ISG20: variants seen among roughly 807,000 people sequenced by gnomAD.
ISG20 encodes interferon stimulated exonuclease gene 20, also known as interferon-stimulated gene 20 kDa protein.
Under a neutral mutation model 11.1 loss-of-function variants are expected in ISG20, and 8 were observed. The observed-to-expected ratio is 0.72, with a 90% CI of 0.42 to 1.30. The LOEUF (loss-of-function observed/expected upper bound fraction) is 1.30, where lower values mean the gene tolerates loss of function less well. ISG20 is among the 50% of genes most tolerant of loss of function. ISG20 has a pLI of 0.01. For synonymous variants in ISG20, 110 were observed against 101.7 expected, an observed-to-expected ratio of 1.08 and a Z score of -0.49; for missense variants, 243 against 250.2, an observed-to-expected ratio of 0.97 and a Z score of 0.19.
chr15:88,652,482 C>T (rs1357242470), intron 3 of ISG20, among the ~76,000 whole-genome samples, 172 bp downstream of exon 3: 2 of 4,878 alleles, frequency 4.1e-4, no homozygotes, highest in African/African-American at 3.2e-3. Context: ...CCCTCCTCCT[C>T]CCCCTCCTCC....
In ISG20 at chr15:88,652,163, C is replaced by G; in HGVS notation, c.282C>G (p.Asp94Glu). ...TGGTGGGTCATGACCTGAAGCACGA[C>G]TTCCAGGCACTGAAAGAGGACATGA... ...KLVVGHDLKH[D>E]FQALKEDMSG... is the part of the protein sequence containing the mutation. Residue 94 changes from aspartate (D) to glutamate (E), a missense_variant, in exon 3 of 4, where the codon GAC (aspartate) becomes GAG (glutamate). Asp to Glu is a conservative substitution (Grantham distance 45). Coordinates refer to ENST00000306072, the MANE Select transcript of ISG20 (RefSeq NM_002201.6). 1 of 1,614,126 alleles carries G rather than the reference C, an allele frequency of 6.2e-7. No individual in the cohort carries two copies. Among genetic ancestry groups the G allele is most frequent in the Non-Finnish European group, 8.5e-7 (1 of 1,180,008 alleles).
chr15:88,655,772 C>G lies in ISG20; in HGVS notation c.*241C>G. 1 of 382,112 alleles carries G rather than the reference C, an allele frequency of 2.6e-6. No individual in the cohort carries two copies. The allele number at this position is 382,112 out of a possible 1,614,324, so 23.7% of individuals were successfully genotyped here. A position where few individuals can be genotyped will look rare whatever the true frequency, so the allele number is the denominator to read the frequency against. On this transcript the variant is annotated 3_prime_UTR_variant, in exon 4 of 4. Coordinates refer to ENST00000306072, the MANE Select transcript of ISG20 (RefSeq NM_002201.6). ...GGGGAGGTGGGCAAGTATCAATTTC[C>G]TTAATATCTTGAATCCTGTGGGTCC... is the stretch of plus-strand genomic sequence containing the variant.
rs1297469041 is a variant in ISG20, at chr15:88,655,888, A to G, written c.*357A>G. Reference sequence around the variant, plus strand: ...TCCCAGCCCTATTCCTGGTGCATTTATGCCCAGAGAGGTGGCATTATTTCC... The same window carrying G: ...TCCCAGCCCTATTCCTGGTGCATTTGTGCCCAGAGAGGTGGCATTATTTCC... On this transcript the variant is annotated 3_prime_UTR_variant, in exon 4 of 4. Coordinates refer to ENST00000306072, the MANE Select transcript of ISG20 (RefSeq NM_002201.6). The G allele has an allele frequency of 1.1e-5, 2 of 175,952 alleles. No homozygotes were observed. The highest frequency in any genetic ancestry group is 4.8e-5 in the African/African-American group (2 of 41,734). The allele number at this position is 175,952 out of a possible 1,614,324, so 10.9% of individuals were successfully genotyped here. A position where few individuals can be genotyped will look rare whatever the true frequency, so the allele number is the denominator to read the frequency against.
Position 88,652,947 on chromosome 15 carries a change from C to T in ISG20, c.429+637C>T, listed in dbSNP as rs145980647. Among the ~76,000 whole-genome samples the T allele has an allele frequency of 1.4e-4, 22 of 151,958 alleles. 1 individual carries two copies. In the East Asian group the frequency reaches 4.3e-3, roughly 30 times the overall value. On this transcript the variant is annotated intron_variant, in intron 3 of 3. Coordinates refer to ENST00000306072, the MANE Select transcript of ISG20 (RefSeq NM_002201.6). ...TCCCATCAGCCACCAGCTGCTGCTGCTCCTGGGCACTGATTCCGCAGCACT... is the reference window on the plus strand; with the variant it reads ...TCCCATCAGCCACCAGCTGCTGCTGTTCCTGGGCACTGATTCCGCAGCACT...
Position 88,645,868 on chromosome 15 carries a change from T to C in ISG20, c.229-6242T>C, listed in dbSNP as rs547285276. 3.1e-4 allele frequency among the ~76,000 whole-genome samples: 47 copies of C among 152,350 alleles called. 1 individual carries two copies. The South Asian group carries it at 4.8e-3, about 15-fold the overall frequency. On this transcript the variant is annotated intron_variant, in intron 2 of 3. Coordinates refer to ENST00000306072, the MANE Select transcript of ISG20 (RefSeq NM_002201.6). ...TCCATTCATTCACACCATCTGTCTATTTCCACAGCTCTTACTATACACTTT... is the reference window on the plus strand; with the variant it reads ...TCCATTCATTCACACCATCTGTCTACTTCCACAGCTCTTACTATACACTTT...
At chr15:88,646,595 C>G (rs1233106657) in intron 2 of ISG20, among the ~76,000 whole-genome samples, 1 of 152,090 alleles carries the variant, frequency 6.6e-6, no homozygotes, top group Non-Finnish European at 1.5e-5. Context: ...CAGTTTGATC[C>G]CATTTATCAT....
intron 2 of ISG20, among the ~76,000 whole-genome samples, chr15:88,640,985 T>A (rs577415751): frequency 1.3e-5 from 2 of 151,708 alleles, no homozygotes; most frequent in South Asian, 4.2e-4. Flanking sequence ...TTTTTTTGTA[T>A]GTCTGTTTTA....
rs1362042241 is a variant in ISG20 at position 88,650,171 on chromosome 15, T to G, written c.229-1939T>G. 7.4e-7 allele frequency: 1 copy of G among 1,350,892 alleles called. No homozygotes were observed. The highest frequency in any genetic ancestry group is 1.4e-5 in the African/African-American group (1 of 69,576). 83.7% of individuals were successfully genotyped at this position (1,350,892 alleles called of 1,614,324 possible). A position where few individuals can be genotyped will look rare whatever the true frequency, so the allele number is the denominator to read the frequency against. ...AAGGCTGTCCTAGAGCTGTCCAAAG[T>G]GGGCCTGGACTAGCCACGAGCCGCC... On this transcript the variant is annotated intron_variant, in intron 2 of 3. Coordinates refer to ENST00000306072, the MANE Select transcript of ISG20 (RefSeq NM_002201.6). This position sits in a 1 kb window ranked among gnomAD's most constrained non-coding sequence, Gnocchi z 4.0.
Position 88,643,232 on chromosome 15 carries a change from A to C in ISG20, c.228+3638A>C, listed in dbSNP as rs2058111677. Among the ~76,000 whole-genome samples, 1 of 152,014 alleles carries C rather than the reference A, an allele frequency of 6.6e-6. No individual in the cohort carries two copies. Among genetic ancestry groups the C allele is most frequent in the Admixed American group, 6.5e-5 (1 of 15,272 alleles). On this transcript the variant is annotated intron_variant, in intron 2 of 3. Coordinates refer to ENST00000306072, the MANE Select transcript of ISG20 (RefSeq NM_002201.6). This position sits in a 1 kb window ranked among gnomAD's most constrained non-coding sequence, Gnocchi z 4.4. Reference sequence around the variant, plus strand: ...CCTGGGTAAGAGAGACCCTGTCTCTATTAAAAAATAATAATAATTAAAATA... The same window carrying C: ...CCTGGGTAAGAGAGACCCTGTCTCTCTTAAAAAATAATAATAATTAAAATA...
At chr15:88,654,807 C>T (rs2058347588) in intron 3 of ISG20, among the ~76,000 whole-genome samples, 1 of 152,112 alleles carries the variant, frequency 6.6e-6, no homozygotes, top group Admixed American at 6.5e-5. Flanking sequence ...ACCGAGGGCC[C>T]CCGACTCCCA....
upstream of ISG20, among the ~76,000 whole-genome samples, chr15:88,638,488 G>C (rs2058020721): frequency 6.6e-6 from 1 of 152,210 alleles, no homozygotes; most frequent in South Asian, 2.1e-4. Flanking sequence ...ACGGAGGCCT[G>C]TAAGGGCTCC....
At position 88,644,125 on chromosome 15, in the gene ISG20, C is replaced by T. The variant is rs2058127885; in HGVS notation, c.228+4531C>T. Among the ~76,000 whole-genome samples, 3 of 151,914 alleles carry T rather than the reference C, an allele frequency of 2.0e-5. No homozygotes were observed. The South Asian group carries it at 6.2e-4, about 32-fold the overall frequency. Reference sequence around the variant, plus strand: ...GAGTCTATGTAGGGAATTAAGTGGGCCATAGGGAGCCATTGAAGATTCTTG... The same window carrying T: ...GAGTCTATGTAGGGAATTAAGTGGGTCATAGGGAGCCATTGAAGATTCTTG... On this transcript the variant is annotated intron_variant, in intron 2 of 3. Transcript: ENST00000306072.
chr15:88,651,464 C>T (rs1358635089), intron 2 of ISG20: 1 of 277,778 alleles, frequency 3.6e-6, no homozygotes, highest in Non-Finnish European at 5.5e-6. Flanking sequence ...GAATCCATTT[C>T]CTCGCCCTTT....
chr15:88,638,470 T>C (rs2141385201), upstream of ISG20, among the ~76,000 whole-genome samples: 1 of 152,284 alleles, frequency 6.6e-6, no homozygotes, highest in Middle Eastern at 3.4e-3. Context: ...TTGAGGCATC[T>C]GGAACCCACG....
chr15:88,636,457 C>G (rs758888182), upstream of ISG20, among the ~76,000 whole-genome samples: 6 of 152,166 alleles, frequency 3.9e-5, no homozygotes, highest in Non-Finnish European at 7.4e-5. Flanking sequence ...TTGAACTAAA[C>G]AGATGGCAGG....
In ISG20 at chr15:88,643,057, A is replaced by C. The variant is rs1036554392; in HGVS notation, c.228+3463A>C. 6.6e-6 allele frequency among the ~76,000 whole-genome samples: 1 copy of C among 151,674 alleles called. No homozygotes were observed. Among genetic ancestry groups the C allele is most frequent in the Non-Finnish European group, 1.5e-5 (1 of 67,934 alleles). On this transcript the variant is annotated intron_variant, in intron 2 of 3. Coordinates refer to ENST00000306072, the MANE Select transcript of ISG20 (RefSeq NM_002201.6). This position sits in a 1 kb window ranked among gnomAD's most constrained non-coding sequence, Gnocchi z 4.4. ...TGGGCAAGATGGTGAGATCTCCTCT[A>C]CAAAAAAAATAAATAAATAAAATAA...
chr15:88,652,054 G>A, intron 2 of ISG20, 56 bp from the exon 3 acceptor site: 1 of 1,609,426 alleles, frequency 6.2e-7, no homozygotes, highest in Admixed American at 1.7e-5. Flanking sequence ...GCCAGCCCCA[G>A]CCCCACCCAG....
upstream of ISG20, among the ~76,000 whole-genome samples, chr15:88,635,823 C>A (rs1341785006): frequency 1.3e-5 from 2 of 152,072 alleles, no homozygotes; most frequent in African/African-American, 4.8e-5. Flanking sequence ...TTCTTAATTT[C>A]TTTGATATTT....
intron 2 of ISG20, among the ~76,000 whole-genome samples, chr15:88,645,318 G>A (rs377455937): frequency 6.6e-6 from 1 of 152,144 alleles, no homozygotes; most frequent in African/African-American, 2.4e-5. Context: ...GGCCCTAAGC[G>A]CGGTGCCTGG....
Sources: allele counts gnomAD v4.1 joint callset (sites outside exome capture counted in the v4.1 genomes callset), GRCh38; gene constraint gnomAD v4.1.1; non-coding constraint Gnocchi (gnomAD v3.1); transcripts MANE v1.5; gene names NCBI Gene and HGNC (gene_info 2026-07-23, HGNC 2026-07-21).